The following FANCD2OS variants were observed in gnomAD, a reference collection of about 807,000 sequenced individuals.
FANCD2OS encodes FANCD2 opposite strand.
Under a neutral mutation model 13.2 loss-of-function variants are expected in FANCD2OS, and 11 were observed. The ratio of observed to expected loss-of-function variants is 0.83; its 90% CI spans 0.52 to 1.38. The LOEUF (loss-of-function observed/expected upper bound fraction) is 1.38. FANCD2OS is among the 40% of genes most tolerant of loss of function. The probability of loss-of-function intolerance (pLI) is 0.00; values close to 1 mark genes in which losing one functional copy is unlikely to be tolerated. For missense variants in FANCD2OS, 217 were observed against 213.9 expected, an observed-to-expected ratio of 1.01 and a Z score of -0.09; for synonymous variants, 69 against 84.5, an observed-to-expected ratio of 0.82 and a Z score of 1.01.
At chr3:10,084,450 C>T (rs1694056095) in intron 2 of FANCD2OS, among the ~76,000 whole-genome samples, 1 of 151,808 alleles carries the variant, frequency 6.6e-6, no homozygotes, top group Admixed American at 6.6e-5. Flanking sequence ...CCACCATGCC[C>T]AGCTGATTTT....
intron 2 of FANCD2OS, chr3:10,090,408 C>A (rs1422772766): frequency 1.1e-5 from 12 of 1,141,270 alleles, no homozygotes; most frequent in Non-Finnish European, 1.5e-5. Context: ...ATAGTCACTT[C>A]AAGAAGTGGA....
At chr3:10,084,495 G>A (rs145435265) in intron 2 of FANCD2OS, among the ~76,000 whole-genome samples, 17 of 150,198 alleles carry the variant, frequency 1.1e-4, no homozygotes, top group African/African-American at 4.2e-4. Flanking sequence ...ACGGGGTTTC[G>A]CCATGTTGCC....
rs2272125 is a variant in FANCD2OS, at chr3:10,096,385, T to G, written c.*43+7813A>C. 289,291 of 1,613,254 alleles carry G rather than the reference T, an allele frequency of 0.18. 29,962 individuals carry two copies. Among genetic ancestry groups the G allele is most frequent in the African/African-American group, 0.47 (35,059 of 74,932 alleles). Reference sequence around the variant, plus strand: ...CTCTGCTCAAAAAGACCCTGGAACTTTTAGTTTGCAGAGTCAAAGCTATGC... The same window carrying G: ...CTCTGCTCAAAAAGACCCTGGAACTGTTAGTTTGCAGAGTCAAAGCTATGC... On this transcript the variant is annotated intron_variant, in intron 2 of 2. Transcript: ENST00000524279.
intron 2 of FANCD2OS, chr3:10,087,376 A>T (rs2125073955): frequency 2.0e-6 from 2 of 1,012,756 alleles, no homozygotes. Flanking sequence ...TCCCCACATA[A>T]CCTTGGATAG....
downstream of FANCD2OS, among the ~76,000 whole-genome samples, chr3:10,100,719 C>G (rs147492720): frequency 6.6e-6 from 1 of 152,296 alleles, no homozygotes; most frequent in East Asian, 1.9e-4. Context: ...CGAATGCCCT[C>G]TTTGTTCCTA....
chr3:10,102,884 A>G, downstream of FANCD2OS: 1 of 184,294 alleles, frequency 5.4e-6, no homozygotes, highest in South Asian at 8.2e-5. Flanking sequence ...TAAAATAAAA[A>G]AGCAGCATCA....
chr3:10,105,145 C>A (rs1307184090), intron 1 of FANCD2OS, among the ~76,000 whole-genome samples: 4 of 152,038 alleles, frequency 2.6e-5, no homozygotes, highest in African/African-American at 9.7e-5. Context: ...ACCCACTTCG[C>A]CCAGCCTAGA....
At chr3:10,089,771 A>T (rs1193335079) in intron 2 of FANCD2OS, among the ~76,000 whole-genome samples, 1 of 152,288 alleles carries the variant, frequency 6.6e-6, no homozygotes, top group East Asian at 1.9e-4. Context: ...CCCAGCTGAG[A>T]TATTTTAGCC....
At chr3:10,084,631 T>C (rs1472336692) in intron 2 of FANCD2OS, among the ~76,000 whole-genome samples, 2 of 152,144 alleles carry the variant, frequency 1.3e-5, no homozygotes, top group Non-Finnish European at 2.9e-5. Flanking sequence ...ATGAAGTGTA[T>C]TGTACATCAA....
In FANCD2OS at chr3:10,104,100, C is replaced by G; in HGVS notation, c.*141G>C. The G allele has an allele frequency of 1.4e-6, 1 of 717,858 alleles. No homozygotes were observed. The highest frequency in any genetic ancestry group is 2.2e-6 in the Non-Finnish European group (1 of 448,698). The allele number at this position is 717,858 out of a possible 1,614,324, so 44.5% of individuals were successfully genotyped here. ...TTTGGAGGGGAAGGGATGAAAGGGG[C>G]TCCTGAATCATCACTGCTTGAAACA... On this transcript the variant is annotated 3_prime_UTR_variant, in exon 2 of 2. Transcript: ENST00000450660.
At chr3:10,082,908 A>G (rs892989009) in intron 2 of FANCD2OS, among the ~76,000 whole-genome samples, 19 of 141,944 alleles carry the variant, frequency 1.3e-4, no homozygotes, top group African/African-American at 4.4e-4. Context: ...ACAATTTATC[A>G]AAGAGACTTA....
rs758843847 is a variant in FANCD2OS at position 10,096,393 on chromosome 3, G to A, written c.*43+7805C>T. ...AAAAAGACCCTGGAACTTTTAGTTTGCAGAGTCAAAGCTATGCTCACTCTC... is the reference window on the plus strand; with the variant it reads ...AAAAAGACCCTGGAACTTTTAGTTTACAGAGTCAAAGCTATGCTCACTCTC... On this transcript the variant is annotated intron_variant, in intron 2 of 2. Transcript: ENST00000524279. 9.9e-6 allele frequency: 16 copies of A among 1,613,932 alleles called. No homozygotes were observed. Among genetic ancestry groups the A allele is most frequent in the Non-Finnish European group, 1.4e-5 (16 of 1,179,946 alleles).
chr3:10,098,053 C>T (rs1436036733), downstream of FANCD2OS, among the ~76,000 whole-genome samples: 2 of 152,088 alleles, frequency 1.3e-5, no homozygotes, highest in African/African-American at 4.8e-5. Context: ...GGAGTTACAA[C>T]ATTTTTCAGA....
chr3:10,091,306 C>CA (rs965535668), intron 2 of FANCD2OS, among the ~76,000 whole-genome samples: 11 of 151,588 alleles, frequency 7.3e-5, no homozygotes, highest in African/African-American at 2.7e-4. Context: ...GTCTTGAACT[C>CA]ATAGGCTCAA....
intron 1 of FANCD2OS, among the ~76,000 whole-genome samples, chr3:10,107,299 T>TTTC (rs1553616793): frequency 2.3e-5 from 3 of 128,294 alleles, no homozygotes; most frequent in African/African-American, 9.0e-5. Flanking sequence ...TTCTTTCTTT[T>TTTC]TTTTTTGAGA....
downstream of FANCD2OS, chr3:10,098,987 G>A (rs7626117): frequency 0.21 from 342,063 of 1,613,564 alleles, 49,051 homozygotes; most frequent in African/African-American, 0.76. Context: ...GGACCCAGAA[G>A]AAACAACGAC....
At chr3:10,087,118 T>C in intron 2 of FANCD2OS, 1 of 1,613,958 alleles carries the variant, frequency 6.2e-7, no homozygotes, top group South Asian at 1.1e-5. Flanking sequence ...TGTTTGTTTT[T>C]CTTGTCTCCT....
rs1391110071 is a variant in FANCD2OS at position 10,104,329 on chromosome 3, A to G, written c.446T>C (p.Val149Ala). Residue 149 changes from valine to alanine, a missense_variant, in exon 2 of 2, where the codon GTC becomes GCC. Transcript: ENST00000450660. ...GLKEPQIQMT[V>A]TMCKQMLRSI... ...GCGCAGCATCTGTTTGCACATAGTG[A>G]CTGTCATCTGAATCTGAGGCTCCTT... 5 of 1,614,022 alleles carry G rather than the reference A, an allele frequency of 3.1e-6. No homozygotes were observed. The highest frequency in any genetic ancestry group is 3.4e-6 in the Non-Finnish European group (4 of 1,180,038).
At chr3:10,081,486 A>C (rs1473183231) in exon 3 of FANCD2OS, 1 of 1,472,742 alleles carries the variant, frequency 6.8e-7, no homozygotes, top group African/African-American at 1.4e-5. Context: ...GGAAGTGTGG[A>C]GAGAACTGAG....
Sources: gnomAD v4.1 joint callset for allele counts (sites outside exome capture counted in the v4.1 genomes callset) on GRCh38, gnomAD v4.1.1 for gene constraint, MANE v1.5 for transcripts, NCBI Gene and HGNC (gene_info 2026-07-23, HGNC 2026-07-21) for gene names.